A1CF: variants seen among roughly 807,000 people sequenced by gnomAD.
A1CF encodes the protein APOBEC-1 stimulating protein.
A1CF carries 48 observed loss-of-function variants against 68.9 expected under a neutral mutation model. The ratio of observed to expected loss-of-function variants is 0.70; its 90% confidence interval spans 0.55 to 0.89. The LOEUF (loss-of-function observed/expected upper bound fraction) is 0.89, where lower values mean the gene tolerates loss of function less well. Among genes scored for constraint, A1CF ranks in the 40% least tolerant of loss-of-function variants. The pLI is 0.00. For missense variants in A1CF, 653 were observed against 718.9 expected (o/e 0.91, Z 1.05); for synonymous variants, 272 against 260.4 (o/e 1.04, Z -0.43).
At chr10:50,862,436 A>G (rs2132538608) in intron 2 of A1CF, among the ~76,000 whole-genome samples, 1 of 152,138 alleles carries the variant, frequency 6.6e-6, no homozygotes, top group Admixed American at 6.5e-5. Flanking sequence ...ATCAAGAGTT[A>G]GCTGTTTTTA....
rs1837749856 is a variant in A1CF, at chr10:50,804,874, G to A, written c.*1855C>T. 6.6e-6 allele frequency: 1 copy of A among 152,076 alleles called. No individual in the cohort carries two copies. Among genetic ancestry groups the A allele is most frequent in the African/African-American group, 2.4e-5 (1 of 41,402 alleles). The allele number at this position is 152,076 out of a possible 1,614,324, so 9.4% of individuals were successfully genotyped here. A position where few individuals can be genotyped will look rare whatever the true frequency, so the allele number is the denominator to read the frequency against. ...CTAGGGATCATTAAAAAATACTGAT[G>A]CCAGGCACCCATCCAAGGAAATTCT... is the stretch of plus-strand genomic sequence containing the variant. On this transcript the variant is annotated 3_prime_UTR_variant, in exon 13 of 13. Coordinates refer to ENST00000373997, the MANE Select transcript of A1CF (RefSeq NM_014576.4).
intron 6 of A1CF, among the ~76,000 whole-genome samples, chr10:50,834,631 T>C (rs1032027558): frequency 6.6e-6 from 1 of 152,218 alleles, no homozygotes; most frequent in Non-Finnish European, 1.5e-5. Context: ...ATTTTTGAAC[T>C]GGCCAGTTAG....
At chr10:50,860,370 A>G (rs1369562220) in intron 2 of A1CF, among the ~76,000 whole-genome samples, 1 of 152,204 alleles carries the variant, frequency 6.6e-6, no homozygotes, top group Non-Finnish European at 1.5e-5. Context: ...TCTAACCACT[A>G]AGATAAGAAA....
chr10:50,847,860 T>C (rs1322587338), intron 3 of A1CF, among the ~76,000 whole-genome samples: 2 of 152,176 alleles, frequency 1.3e-5, no homozygotes, highest in African/African-American at 4.8e-5. Flanking sequence ...TTCCTTATCA[T>C]GACAATTATG....
At chr10:50,872,740 T>C (rs1200759434) in intron 1 of A1CF, among the ~76,000 whole-genome samples, 2 of 151,940 alleles carry the variant, frequency 1.3e-5, no homozygotes, top group Non-Finnish European at 2.9e-5. Context: ...GTGGGTGGAT[T>C]GTCTGATGCT....
At chr10:50,809,026 AT>A (rs1281211626) in intron 12 of A1CF, among the ~76,000 whole-genome samples, 26 of 151,964 alleles carry the variant, frequency 1.7e-4, no homozygotes, top group South Asian at 8.3e-4. Flanking sequence ...AAAAAAAAGG[AT>A]AAAAAATTTT....
Position 50,871,325 on chromosome 10 carries a change from C to T in A1CF, c.-93-7245G>A, listed in dbSNP as rs377411034. 2.4e-4 allele frequency among the ~76,000 whole-genome samples: 36 copies of T among 151,510 alleles called. 1 individual carries two copies. The highest frequency in any genetic ancestry group is 1.2e-3 in the Admixed American group (19 of 15,210). ...AAACATAAAAGTTGAATAAACTTAA[C>T]GAGAAAAGTTTAAAACCTATATAAA... On this transcript the variant is annotated intron_variant, in intron 1 of 12. Transcript: ENST00000373997.
intron 12 of A1CF, among the ~76,000 whole-genome samples, chr10:50,809,018 A>C (rs1366489089): frequency 6.6e-6 from 1 of 152,276 alleles, no homozygotes; most frequent in East Asian, 1.9e-4. Context: ...TTACTAAAAA[A>C]AAAAAGGATA....
At chr10:50,842,201 G>T (rs962839583) in intron 4 of A1CF, among the ~76,000 whole-genome samples, 1 of 152,208 alleles carries the variant, frequency 6.6e-6, no homozygotes, top group Non-Finnish European at 1.5e-5. Context: ...CATGAGAGAA[G>T]TTAAGTTAAA....
intron 7 of A1CF, among the ~76,000 whole-genome samples, chr10:50,822,015 A>G (rs1051270330): frequency 1.3e-5 from 2 of 152,202 alleles, no homozygotes; most frequent in African/African-American, 4.8e-5. Flanking sequence ...AGGAATGGGG[A>G]GAAAAGTTGG....
In A1CF at chr10:50,816,029, A is replaced by C; in HGVS notation, c.1118T>G (p.Ile373Ser). The C allele has an allele frequency of 6.2e-7, 1 of 1,613,726 alleles. No individual in the cohort carries two copies. Among genetic ancestry groups the C allele is most frequent in the Non-Finnish European group, 8.5e-7 (1 of 1,179,746 alleles). The change falls in exon 9 of 13, where the codon ATT becomes AGT. Residue 373 changes from isoleucine (I) to serine (S), a missense_variant. Ile to Ser is a moderately radical substitution (Grantham distance 142). Transcript: ENST00000373997. ...ACCTCTAACAGAAGGGGCTCGGATA[A>C]TGGCTCTGTTGCTGAGATGTCCTTT... ...ATKGHLSNRA[I>S]IRAPSVRGAA...
At chr10:50,842,429 G>A (rs1839823556) in intron 4 of A1CF, among the ~76,000 whole-genome samples, 1 of 152,164 alleles carries the variant, frequency 6.6e-6, no homozygotes, top group South Asian at 2.1e-4. Context: ...TGGGCAAGAT[G>A]GTGACACCCT....
chr10:50,818,233 A>C (rs1343913095), intron 8 of A1CF, among the ~76,000 whole-genome samples: 2 of 152,184 alleles, frequency 1.3e-5, no homozygotes, highest in Non-Finnish European at 2.9e-5. Flanking sequence ...TTAAAAAGTC[A>C]GTTCTTACTA....
At chr10:50,839,118 A>G (rs934595598) in intron 5 of A1CF, among the ~76,000 whole-genome samples, 2 of 152,200 alleles carry the variant, frequency 1.3e-5, no homozygotes, top group Non-Finnish European at 2.9e-5. Flanking sequence ...AGACAAAGAC[A>G]CTAAAATTCA....
Position 50,806,641 on chromosome 10 carries a change from G to A in A1CF, c.*88C>T. On this transcript the variant is annotated 3_prime_UTR_variant, in exon 13 of 13. Coordinates refer to ENST00000373997, the MANE Select transcript of A1CF (RefSeq NM_014576.4). ...TTTCTTTAGGAAACATATTATTTAT[G>A]ATCATTGGGGACCGAGTTAGAGGTT... The A allele has an allele frequency of 1.6e-6, 2 of 1,252,656 alleles. No individual in the cohort carries two copies. Among genetic ancestry groups the A allele is most frequent in the Non-Finnish European group, 2.1e-6 (2 of 932,044 alleles). 77.6% of individuals were successfully genotyped at this position (1,252,656 alleles called of 1,614,324 possible).
intron 11 of A1CF, among the ~76,000 whole-genome samples, chr10:50,810,779 A>T (rs890550876): frequency 1.3e-5 from 2 of 152,114 alleles, no homozygotes; most frequent in African/African-American, 4.8e-5. Flanking sequence ...TATAGTTTTT[A>T]TTTCTATTAC....
intron 3 of A1CF, among the ~76,000 whole-genome samples, chr10:50,849,924 G>C (rs567824702): frequency 3.8e-4 from 57 of 151,136 alleles, no homozygotes; most frequent in Non-Finnish European, 7.1e-4. Flanking sequence ...CTCCCCAGTA[G>C]CTGAGACTAC....
chr10:50,833,341 A>G (rs1339105333), intron 6 of A1CF, among the ~76,000 whole-genome samples: 1 of 152,206 alleles, frequency 6.6e-6, no homozygotes, highest in Non-Finnish European at 1.5e-5. Context: ...CTGTGCTATA[A>G]CAAGCCCTCC....
intron 5 of A1CF, among the ~76,000 whole-genome samples, chr10:50,840,776 G>A (rs574411756): frequency 1.3e-5 from 2 of 152,280 alleles, no homozygotes; most frequent in South Asian, 4.1e-4. Context: ...CCCCTGGGAT[G>A]TTCAATGTGC....
Sources: allele counts gnomAD v4.1 joint callset (sites outside exome capture counted in the v4.1 genomes callset), GRCh38; gene constraint gnomAD v4.1.1; transcripts MANE v1.5; gene names NCBI Gene and HGNC (gene_info 2026-07-23, HGNC 2026-07-21).